Variants in GLRA2 observed in about 807,000 individuals in gnomAD.
The protein encoded by GLRA2 is glycine receptor alpha 2.
A neutral mutation model predicts 31.6 loss-of-function variants in GLRA2; 11 were observed. The observed-to-expected ratio is 0.35, with a 90% CI of 0.22 to 0.58. GLRA2 has a LOEUF of 0.58. GLRA2 is among the 20% of genes least tolerant of loss of function. The probability of loss-of-function intolerance (pLI) is 0.84; values close to 1 mark genes in which losing one functional copy is unlikely to be tolerated. For synonymous variants in GLRA2, 132 were observed against 134.0 expected (o/e 0.99, Z 0.10); for missense variants, 212 against 351.8 (o/e 0.60, Z 3.18).
At chrX:14,464,095 C>A in the GLRA2 span, among the ~76,000 whole-genome samples, 9 of 112,302 alleles carry the variant, frequency 8.0e-5, no homozygotes, top group Non-Finnish European at 1.5e-4. Flanking sequence ...AATTCCCCAG[C>A]AAATGGATAG....
chrX:14,640,122 A>T (rs2090756932), intron 7 of GLRA2, among the ~76,000 whole-genome samples: 1 of 111,323 alleles, frequency 9.0e-6, no homozygotes, highest in Non-Finnish European at 1.9e-5. Context: ...ATAATTTTTA[A>T]TGTTTGCTTT....
the GLRA2 span, among the ~76,000 whole-genome samples, chrX:14,455,269 T>C: frequency 8.9e-6 from 1 of 111,989 alleles, no homozygotes; most frequent in Admixed American, 9.5e-5. Context: ...CTCTTCTGTT[T>C]GATTTATTTG....
chrX:14,681,910 A>AAAATAT (rs758563376), intron 7 of GLRA2, among the ~76,000 whole-genome samples: 1 of 41,294 alleles, frequency 2.4e-5, no homozygotes, highest in Admixed American at 2.6e-4. Context: ...AAAAAAAAAA[A>AAAATAT]ATATATATAT....
chrX:14,474,016 T>C, the GLRA2 span, among the ~76,000 whole-genome samples: 1 of 111,017 alleles, frequency 9.0e-6, no homozygotes, highest in Middle Eastern at 4.6e-3. Flanking sequence ...ATTGAAGCAA[T>C]ACAGTAGGAT....
chrX:14,670,657 CG>C (rs1454283455), intron 7 of GLRA2, among the ~76,000 whole-genome samples: 3 of 110,985 alleles, frequency 2.7e-5, no homozygotes, highest in Non-Finnish European at 5.7e-5. Flanking sequence ...GACAACAGCA[CG>C]GGAAAGACCT....
the GLRA2 span, among the ~76,000 whole-genome samples, chrX:14,472,616 G>A: frequency 4.5e-5 from 5 of 111,158 alleles, no homozygotes; most frequent in South Asian, 3.8e-4. Context: ...CCACTAATAC[G>A]CGAGAACAGG....
chrX:14,557,912 T>C (rs1219973663), intron 2 of GLRA2, among the ~76,000 whole-genome samples: 1 of 112,088 alleles, frequency 8.9e-6, no homozygotes, highest in Non-Finnish European at 1.9e-5. Flanking sequence ...TCATGATGGC[T>C]ACATGGGTTT....
At chrX:14,557,148 C>T (rs2089655794) in intron 2 of GLRA2, among the ~76,000 whole-genome samples, 1 of 75,535 alleles carries the variant, frequency 1.3e-5, no homozygotes, top group Non-Finnish European at 2.3e-5. Flanking sequence ...CGGAGTCTCG[C>T]TCTGTCGCCC....
At chrX:14,646,689 A>G (rs2090835390) in intron 7 of GLRA2, among the ~76,000 whole-genome samples, 1 of 111,991 alleles carries the variant, frequency 8.9e-6, no homozygotes, top group Non-Finnish European at 1.9e-5. Flanking sequence ...TTGAAAGAGG[A>G]TAACTGGGAT....
At chrX:14,693,767 A>G (rs1284827702) in intron 8 of GLRA2, among the ~76,000 whole-genome samples, 1 of 112,190 alleles carries the variant, frequency 8.9e-6, no homozygotes, top group East Asian at 2.8e-4. Context: ...GCTAAAAATC[A>G]ATGGTACAAA....
rs55910036 is a variant in GLRA2 at position 14,730,891 on chromosome X, T to TACACACACACAC, written c.*454_*465dup. On this transcript the variant is annotated 3_prime_UTR_variant, in exon 9 of 9. Transcript: ENST00000218075. ...AATTCTGGTACTGAAAAGTTAGCTATACACACACACACACACACACACACA... is the reference window on the plus strand; with the variant it reads ...AATTCTGGTACTGAAAAGTTAGCTATACACACACACACACACACACACACACACACACACACA... 2 of 97,401 alleles carry TACACACACACAC rather than the reference T, an allele frequency of 2.1e-5. No individual in the cohort carries two copies. The highest frequency in any genetic ancestry group is 9.2e-5 in the African/African-American group (2 of 21,825). The allele number at this position is 97,401 out of a possible 1,213,427, so 8.0% of individuals were successfully genotyped here. A position where few individuals can be genotyped will look rare whatever the true frequency, so the allele number is the denominator to read the frequency against.
chrX:14,690,559 T>A, intron 7 of GLRA2, 151 bp from the exon 8 acceptor site: 1 of 443,257 alleles, frequency 2.3e-6, no homozygotes, highest in East Asian at 3.7e-5. Flanking sequence ...AAGCACTTTC[T>A]TAAGAAAACG....
intron 7 of GLRA2, among the ~76,000 whole-genome samples, chrX:14,618,042 A>G (rs1489957776): frequency 8.9e-6 from 1 of 112,393 alleles, no homozygotes; most frequent in Non-Finnish European, 1.9e-5. Flanking sequence ...GAACAAGTCT[A>G]TAATAAGAAT....
At chrX:14,545,082 C>T (rs1171507285) in intron 2 of GLRA2, among the ~76,000 whole-genome samples, 2 of 112,089 alleles carry the variant, frequency 1.8e-5, no homozygotes, top group Non-Finnish European at 1.9e-5. Flanking sequence ...GACAAAGTAT[C>T]CACAGTGATG....
intron 7 of GLRA2, among the ~76,000 whole-genome samples, chrX:14,617,465 G>A (rs1222492024): frequency 8.9e-6 from 1 of 111,770 alleles, no homozygotes; most frequent in Non-Finnish European, 1.9e-5. Flanking sequence ...ACACCCTTGG[G>A]TAATAGCTTC....
In GLRA2 at chrX:14,730,749, G is replaced by C. The variant is rs1284897110; in HGVS notation, c.*264G>C. 6.2e-6 allele frequency: 2 copies of C among 324,348 alleles called. No individual in the cohort carries two copies. The highest frequency in any genetic ancestry group is 1.1e-5 in the Non-Finnish European group (2 of 184,664). The allele number at this position is 324,348 out of a possible 1,213,427, so 26.7% of individuals were successfully genotyped here. A position where few individuals can be genotyped will look rare whatever the true frequency, so the allele number is the denominator to read the frequency against. On this transcript the variant is annotated 3_prime_UTR_variant, in exon 9 of 9. Transcript: ENST00000218075. ...ATCTTTAGCATTGTTCTTTCAGTCA[G>C]ACATGATATGCGCAACATTCAGACA...
intron 7 of GLRA2, among the ~76,000 whole-genome samples, chrX:14,680,566 A>C (rs533579611): frequency 8.9e-6 from 1 of 112,228 alleles, no homozygotes; most frequent in East Asian, 2.8e-4. Flanking sequence ...CTGAAAGAAG[A>C]GAATCTGACA....
At chrX:14,531,358 A>C (rs1291289728) in intron 1 of GLRA2, among the ~76,000 whole-genome samples, 1 of 111,732 alleles carries the variant, frequency 8.9e-6, no homozygotes, top group Non-Finnish European at 1.9e-5. Flanking sequence ...TAAAATACAT[A>C]CTTTAGGGAA....
the GLRA2 span, among the ~76,000 whole-genome samples, chrX:14,484,058 A>G: frequency 9.0e-6 from 1 of 111,243 alleles, no homozygotes; most frequent in Non-Finnish European, 1.9e-5. Context: ...CCTATGTGGG[A>G]CCTTGTGATC....
Sources: gnomAD v4.1 joint callset for allele counts (sites outside exome capture counted in the v4.1 genomes callset) on GRCh38, gnomAD v4.1.1 for gene constraint, MANE v1.5 for transcripts, NCBI Gene and HGNC (gene_info 2026-07-23, HGNC 2026-07-21) for gene names.